SPOCK1: variants seen among roughly 807,000 people sequenced by gnomAD.
SPOCK1 encodes the protein SPARC (osteonectin), cwcv and kazal like domains proteoglycan 1, also known as testican-1.
SPOCK1 carries 23 observed loss-of-function variants against 55.3 expected under a neutral mutation model. That is an observed-to-expected ratio of 0.42 (90% CI 0.30 to 0.59). The LOEUF (loss-of-function observed/expected upper bound fraction) is 0.59, where lower values mean the gene tolerates loss of function less well. Ranked by LOEUF, SPOCK1 falls within the 20% of genes least tolerant of loss-of-function variation. The probability of loss-of-function intolerance (pLI) is 0.22; values close to 1 mark genes in which losing one functional copy is unlikely to be tolerated. For synonymous variants in SPOCK1, 226 were observed against 221.0 expected (o/e 1.02, Z -0.20); for missense variants, 499 against 552.5 (o/e 0.90, Z 0.97).
In SPOCK1 at chr5:137,358,617, A is replaced by G. The variant is rs532380516; in HGVS notation, c.187-91562T>C. On this transcript the variant is annotated intron_variant, in intron 2 of 10. Transcript: ENST00000394945. ...TCCTCCCTCTGTAATATCTCCCCAG[A>G]CAGCCGTATCTTTCCACCAACCATG... Among the ~76,000 whole-genome samples, 166 of 152,230 alleles carry G rather than the reference A, an allele frequency of 1.1e-3. 4 individuals are homozygous for G. The highest frequency in any genetic ancestry group is 0.01 in the Middle Eastern group (3 of 294).
intron 3 of SPOCK1, among the ~76,000 whole-genome samples, chr5:137,228,592 G>C (rs112315594): frequency 0.02 from 3,040 of 152,254 alleles, 105 homozygotes; most frequent in African/African-American, 0.067. Flanking sequence ...GCAGTGAGCA[G>C]AGATTGGGCC....
intron 2 of SPOCK1, among the ~76,000 whole-genome samples, chr5:137,405,853 G>A (rs958209503): frequency 6.6e-6 from 1 of 152,166 alleles, no homozygotes; most frequent in African/African-American, 2.4e-5. Flanking sequence ...ACACCATCCG[G>A]GAACTCAGAC....
chr5:137,318,690 T>C (rs1757926823), intron 2 of SPOCK1, among the ~76,000 whole-genome samples: 1 of 152,228 alleles, frequency 6.6e-6, no homozygotes, highest in Non-Finnish European at 1.5e-5. Context: ...GAAACAAGTA[T>C]TGCCTATTGT....
At chr5:136,978,919 G>A in intron 10 of SPOCK1, 75 bp from the exon 11 acceptor site, 1 of 1,453,648 alleles carries the variant, frequency 6.9e-7, no homozygotes, top group Non-Finnish European at 9.2e-7. Flanking sequence ...TCCTTTGCCT[G>A]AATTGTAGGG....
intron 3 of SPOCK1, among the ~76,000 whole-genome samples, chr5:137,206,015 C>T (rs1755516070): frequency 6.6e-6 from 1 of 152,210 alleles, no homozygotes; most frequent in African/African-American, 2.4e-5. Context: ...GGTGAGAAGC[C>T]AGGCAGGCAG....
chr5:137,432,579 G>C (rs1321144049), intron 2 of SPOCK1, among the ~76,000 whole-genome samples: 2 of 152,146 alleles, frequency 1.3e-5, no homozygotes, highest in Non-Finnish European at 2.9e-5. Flanking sequence ...CACAGAGACA[G>C]CAAGTAGAAT....
chr5:136,995,053 C>T (rs1250145557), intron 6 of SPOCK1, among the ~76,000 whole-genome samples: 1 of 152,060 alleles, frequency 6.6e-6, no homozygotes, highest in Non-Finnish European at 1.5e-5. Flanking sequence ...TCAGTTGCAC[C>T]ACTGCATTCA....
chr5:137,483,360 GT>G (rs1247979313), intron 2 of SPOCK1, among the ~76,000 whole-genome samples: 1 of 152,098 alleles, frequency 6.6e-6, no homozygotes. Flanking sequence ...AAAAAGTAAT[GT>G]ATTTGTTCAG....
At chr5:137,483,078 AT>A (rs1210236548) in intron 2 of SPOCK1, among the ~76,000 whole-genome samples, 2 of 152,242 alleles carry the variant, frequency 1.3e-5, no homozygotes, top group African/African-American at 4.8e-5. Context: ...CACGCCTGTA[AT>A]CCCAGCACTT....
intron 2 of SPOCK1, among the ~76,000 whole-genome samples, chr5:137,468,498 C>T (rs1753667710): frequency 6.6e-6 from 1 of 152,188 alleles, no homozygotes; most frequent in South Asian, 2.1e-4. Context: ...AAGAAATTAA[C>T]AGTTGCTCAT....
At chr5:137,445,163 C>T (rs905810721) in intron 2 of SPOCK1, among the ~76,000 whole-genome samples, 1 of 152,160 alleles carries the variant, frequency 6.6e-6, no homozygotes, top group Admixed American at 6.5e-5. Flanking sequence ...TTCTCCTCCC[C>T]TCCCCCTTCT....
intron 3 of SPOCK1, among the ~76,000 whole-genome samples, chr5:137,255,641 G>A (rs1195308622): frequency 2.6e-5 from 4 of 152,160 alleles, no homozygotes; most frequent in Non-Finnish European, 5.9e-5. Flanking sequence ...AGTTCCTGCA[G>A]GGAAAGTGAG....
intron 3 of SPOCK1, among the ~76,000 whole-genome samples, chr5:137,169,637 T>C (rs749037569): frequency 3.9e-5 from 6 of 152,156 alleles, no homozygotes; most frequent in Non-Finnish European, 7.4e-5. Flanking sequence ...ACTTTACCGG[T>C]AAACCTCATC....
At chr5:137,270,719 AT>A (rs1387556182) in intron 2 of SPOCK1, among the ~76,000 whole-genome samples, 2 of 152,186 alleles carry the variant, frequency 1.3e-5, no homozygotes, top group Admixed American at 1.3e-4. Flanking sequence ...AAAAGTTGAC[AT>A]GGCCAGGCCC....
intron 2 of SPOCK1, among the ~76,000 whole-genome samples, chr5:137,493,392 C>A (rs1356481180): frequency 2.6e-5 from 4 of 152,210 alleles, no homozygotes; most frequent in Non-Finnish European, 5.9e-5. Flanking sequence ...TTGAAACTGG[C>A]CTCATCAGAA....
chr5:137,113,392 G>A (rs1753511307), intron 4 of SPOCK1, among the ~76,000 whole-genome samples: 1 of 152,116 alleles, frequency 6.6e-6, no homozygotes, highest in African/African-American at 2.4e-5. Context: ...CTGAGTTCTG[G>A]TTGAAGGCTA....
At chr5:137,020,627 A>G (rs992814623) in intron 6 of SPOCK1, among the ~76,000 whole-genome samples, 1 of 152,022 alleles carries the variant, frequency 6.6e-6, no homozygotes, top group Non-Finnish European at 1.5e-5. Context: ...AGTAAAAAGA[A>G]GCAGCCCACA....
intron 6 of SPOCK1, among the ~76,000 whole-genome samples, chr5:137,013,189 T>C (rs1457699911): frequency 6.6e-6 from 1 of 152,210 alleles, no homozygotes; most frequent in Non-Finnish European, 1.5e-5. Context: ...ACAATTAACA[T>C]TGTATCCATC....
At chr5:137,329,649 G>C (rs931548623) in intron 2 of SPOCK1, among the ~76,000 whole-genome samples, 1 of 152,198 alleles carries the variant, frequency 6.6e-6, no homozygotes, top group African/African-American at 2.4e-5. Flanking sequence ...GTAGTGGGGA[G>C]GGAGAAGGGA....
Sources: gnomAD v4.1 joint callset for allele counts (sites outside exome capture counted in the v4.1 genomes callset) on GRCh38, gnomAD v4.1.1 for gene constraint, MANE v1.5 for transcripts, NCBI Gene and HGNC (gene_info 2026-07-23, HGNC 2026-07-21) for gene names.